FER: variants seen among roughly 807,000 people sequenced by gnomAD.
FER encodes the protein FER tyrosine kinase.
Under a neutral mutation model 111.0 loss-of-function variants are expected in FER, and 63 were observed. The observed-to-expected ratio is 0.57, with a 90% CI of 0.46 to 0.70. The LOEUF (loss-of-function observed/expected upper bound fraction) is 0.70, where lower values mean the gene tolerates loss of function less well. Among genes scored for constraint, FER ranks in the 30% least tolerant of loss-of-function variants. The probability of loss-of-function intolerance (pLI) is 0.00; values close to 1 mark genes in which losing one functional copy is unlikely to be tolerated. For missense variants in FER, 914 were observed against 954.0 expected (o/e 0.96, Z 0.55); for synonymous variants, 327 against 313.9 (o/e 1.04, Z -0.44).
rs530263546 is a variant in FER at position 109,127,699 on chromosome 5, T to C, written c.2048+27180T>C. On this transcript the variant is annotated intron_variant, in intron 17 of 19. Coordinates refer to ENST00000281092, the MANE Select transcript of FER (RefSeq NM_005246.4). ...GGATTACAGCGTGAGCCACCGTGCT[T>C]GGCCTCCATTTTTATTTTTAAAGAT... 5.9e-5 allele frequency among the ~76,000 whole-genome samples: 9 copies of C among 152,208 alleles called. No homozygotes were observed. The South Asian group carries it at 1.9e-3, about 32-fold the overall frequency.
chr5:109,035,491 TAGTC>T (rs1770254714), intron 13 of FER, among the ~76,000 whole-genome samples: 1 of 152,220 alleles, frequency 6.6e-6, no homozygotes, highest in African/African-American at 2.4e-5. Context: ...TATTGCCGAA[TAGTC>T]AGTTCCCTGA....
intron 17 of FER, among the ~76,000 whole-genome samples, chr5:109,176,482 G>A (rs1180383603): frequency 6.6e-6 from 1 of 152,140 alleles, no homozygotes; most frequent in African/African-American, 2.4e-5. Context: ...ACTGGGAAGG[G>A]TAGAGAGGTG....
intron 17 of FER, among the ~76,000 whole-genome samples, chr5:109,167,486 C>A (rs575884219): frequency 6.6e-6 from 1 of 152,136 alleles, no homozygotes; most frequent in Admixed American, 6.6e-5. Flanking sequence ...CTCTTTTCTA[C>A]ACCATCATTG....
rs1561470151 is a variant in FER at position 108,822,769 on chromosome 5, T to TTATTTTATTTTATG, written c.208-10000_208-9999insATTTTATTTTATGT. 4.0e-3 allele frequency among the ~76,000 whole-genome samples: 402 copies of TTATTTTATTTTATG among 101,546 alleles called. 1 individual carries two copies. Among genetic ancestry groups the TTATTTTATTTTATG allele is most frequent in the African/African-American group, 0.01 (274 of 27,274 alleles). 66.6% of individuals were successfully genotyped at this position (101,546 alleles called of 152,430 possible). A position where few individuals can be genotyped will look rare whatever the true frequency, so the allele number is the denominator to read the frequency against. On this transcript the variant is annotated intron_variant, in intron 3 of 19. Transcript: ENST00000281092. The stretch of plus-strand genomic sequence containing the variant: ...TTTTATTTTATTTTATTTTATTTAT[T>TTATTTTATTTTATG]TTATTTTATGTTATTTTATGTTATT...
chr5:108,797,964 A>G (rs1017056497), intron 2 of FER, 160 bp from the exon 3 acceptor site: 11 of 460,468 alleles, frequency 2.4e-5, no homozygotes, highest in Non-Finnish European at 3.9e-5. Context: ...GAAGCCAACA[A>G]TAGGGTGGAC....
rs750859713 is a variant in FER at position 108,872,098 on chromosome 5, C to T, written c.809C>T (p.Thr270Met). Residue 270 changes from threonine (T) to methionine (M), a missense_variant, in exon 8 of 20, where the codon ACG (threonine) becomes ATG (methionine). Thr to Met is a moderately conservative substitution (Grantham distance 81, BLOSUM62 -1). Transcript: ENST00000281092. Reference sequence around the variant, plus strand: ...TATTTGCCATGCTTTACTAGAACAACGGCTGCTAAAGAACAAGAAATAGAG... The same window carrying T: ...TATTTGCCATGCTTTACTAGAACAATGGCTGCTAAAGAACAAGAAATAGAG... The part of the protein sequence containing the change: ...YNNFIDVHRT[T>M]AAKEQEIEFD... The T allele has an allele frequency of 6.8e-5, 110 of 1,609,336 alleles. No individual in the cohort carries two copies. The highest frequency in any genetic ancestry group is 8.7e-5 in the Non-Finnish European group (103 of 1,177,986).
intron 8 of FER, among the ~76,000 whole-genome samples, chr5:108,878,947 G>T (rs1329190274): frequency 2.0e-5 from 3 of 152,180 alleles, no homozygotes; most frequent in Non-Finnish European, 4.4e-5. Flanking sequence ...TCTATTATCA[G>T]CTTTTCCCAC....
chr5:108,759,839 C>T (rs1158127416), intron 1 of FER, among the ~76,000 whole-genome samples: 1 of 152,210 alleles, frequency 6.6e-6, no homozygotes, highest in African/African-American at 2.4e-5. Flanking sequence ...TCCACACCTT[C>T]CAATACAATG....
chr5:109,160,243 C>A (rs921036257), intron 17 of FER, among the ~76,000 whole-genome samples: 1 of 152,090 alleles, frequency 6.6e-6, no homozygotes, highest in Non-Finnish European at 1.5e-5. Flanking sequence ...CTGACTGGCA[C>A]ATCTGCAGAC....
intron 3 of FER, among the ~76,000 whole-genome samples, chr5:108,820,732 A>G (rs1212372751): frequency 6.6e-6 from 1 of 152,180 alleles, no homozygotes; most frequent in Non-Finnish European, 1.5e-5. Context: ...TTTATTTAAA[A>G]AATTTAGTCT....
intron 17 of FER, among the ~76,000 whole-genome samples, chr5:109,173,756 TCC>T (rs143786447): frequency 0.26 from 31,340 of 122,026 alleles, 3,599 homozygotes; most frequent in South Asian, 0.31. Context: ...AATATGTACC[TCC>T]CCCCCCCCCA....
intron 1 of FER, among the ~76,000 whole-genome samples, chr5:108,750,005 G>T (rs1445736180): frequency 6.6e-6 from 1 of 151,982 alleles, no homozygotes; most frequent in Non-Finnish European, 1.5e-5. Context: ...TCGCCTTATG[G>T]TTAAAAAAAG....
At chr5:108,800,308 A>G (rs572322830) in intron 3 of FER, among the ~76,000 whole-genome samples, 6 of 152,112 alleles carry the variant, frequency 3.9e-5, no homozygotes, top group African/African-American at 1.4e-4. Flanking sequence ...TAACAGTTGA[A>G]CAATGGTTGA....
intron 2 of FER, among the ~76,000 whole-genome samples, chr5:108,775,410 C>T (rs1443970780): frequency 6.6e-6 from 1 of 152,164 alleles, no homozygotes; most frequent in Non-Finnish European, 1.5e-5. Context: ...TTATCTGTCA[C>T]ATGATTCCCT....
At chr5:108,998,375 C>CA (rs1460140185) in intron 13 of FER, among the ~76,000 whole-genome samples, 1 of 152,024 alleles carries the variant, frequency 6.6e-6, no homozygotes, top group Non-Finnish European at 1.5e-5. Context: ...CACAGTCCCT[C>CA]ATGACTTCCC....
At chr5:108,819,757 T>A in intron 3 of FER, 2 of 982,200 alleles carry the variant, frequency 2.0e-6, no homozygotes, top group Non-Finnish European at 1.2e-6. Context: ...AAAAGCATTT[T>A]TTTAAAATAG....
chr5:108,751,685 A>G (rs1242393671), intron 1 of FER, among the ~76,000 whole-genome samples: 2 of 152,178 alleles, frequency 1.3e-5, no homozygotes, highest in Non-Finnish European at 2.9e-5. Flanking sequence ...ACAAAGGTGA[A>G]CTTTTTTTAG....
intron 13 of FER, among the ~76,000 whole-genome samples, chr5:108,979,533 G>T (rs952072710): frequency 1.3e-5 from 2 of 152,088 alleles, no homozygotes; most frequent in African/African-American, 4.8e-5. Context: ...ATTACTTTAA[G>T]TATAGAGAAA....
intron 13 of FER, among the ~76,000 whole-genome samples, chr5:109,003,265 C>T (rs1003230427): frequency 6.6e-5 from 10 of 152,210 alleles, no homozygotes; most frequent in Non-Finnish European, 1.3e-4. Context: ...GGCACATATA[C>T]ACCATGTAAT....
Sources: allele counts gnomAD v4.1 joint callset (sites outside exome capture counted in the v4.1 genomes callset), GRCh38; gene constraint gnomAD v4.1.1; transcripts MANE v1.5; gene names NCBI Gene and HGNC (gene_info 2026-07-23, HGNC 2026-07-21).